CHST11: variants seen among roughly 807,000 people sequenced by gnomAD.
CHST11 encodes the protein C4S-1.
Under a neutral mutation model 30.4 loss-of-function variants are expected in CHST11, and 9 were observed. The observed-to-expected ratio is 0.30, with a 90% confidence interval of 0.18 to 0.52. The LOEUF (loss-of-function observed/expected upper bound fraction) is 0.52. Among genes scored for constraint, CHST11 ranks in the 20% least tolerant of loss-of-function variants. CHST11 has a pLI of 0.97. For missense variants in CHST11, 348 were observed against 460.6 expected (o/e 0.76, Z 2.24); for synonymous variants, 152 against 187.8 (o/e 0.81, Z 1.56).
intron 2 of CHST11, among the ~76,000 whole-genome samples, chr12:104,626,057 C>T (rs1336683766): frequency 1.3e-5 from 2 of 152,134 alleles, no homozygotes; most frequent in Non-Finnish European, 2.9e-5. Context: ...GTGGCTCTTC[C>T]ACACTCACAC....
rs12366636 is a variant in CHST11, at chr12:104,639,247, C to T, written c.204+37256C>T. ...ATAGTTTGAAGTATAATAAGACATACTTGTGTATTACAGGTTGAAGATTAA... is the reference window on the plus strand; with the variant it reads ...ATAGTTTGAAGTATAATAAGACATATTTGTGTATTACAGGTTGAAGATTAA... On this transcript the variant is annotated intron_variant, in intron 2 of 2. Coordinates refer to ENST00000303694, the MANE Select transcript of CHST11 (RefSeq NM_018413.6). Among the ~76,000 whole-genome samples the T allele has an allele frequency of 2.0e-4, 31 of 152,166 alleles. 1 individual carries two copies. Among genetic ancestry groups the T allele is most frequent in the Non-Finnish European group, 5.9e-5 (4 of 68,038 alleles).
intron 1 of CHST11, among the ~76,000 whole-genome samples, chr12:104,463,478 G>C (rs11112067): frequency 0.064 from 9,804 of 152,170 alleles, 744 homozygotes; most frequent in African/African-American, 0.19. Flanking sequence ...CCAGCCCCCT[G>C]TCTGTCTGTC....
intron 1 of CHST11, among the ~76,000 whole-genome samples, chr12:104,567,329 A>C (rs77056614): frequency 1.3e-5 from 2 of 152,354 alleles, no homozygotes; most frequent in East Asian, 3.9e-4. Context: ...GCCTGCTTCA[A>C]TCAGATCTGG....
chr12:104,487,382 C>T (rs928116590), intron 1 of CHST11, among the ~76,000 whole-genome samples: 1 of 152,218 alleles, frequency 6.6e-6, no homozygotes, highest in African/African-American at 2.4e-5. Flanking sequence ...CCACCTCAGC[C>T]TCACAACTAG....
intron 2 of CHST11, among the ~76,000 whole-genome samples, chr12:104,646,459 T>C (rs2559641): frequency 0.61 from 93,398 of 152,160 alleles, 29,196 homozygotes; most frequent in African/African-American, 0.71. Flanking sequence ...TCTGGCCGGG[T>C]GCAGTGGCTC....
At chr12:104,501,544 G>A (rs189175543) in intron 1 of CHST11, among the ~76,000 whole-genome samples, 10 of 152,258 alleles carry the variant, frequency 6.6e-5, no homozygotes, top group East Asian at 1.9e-4. Flanking sequence ...TGGGCAAATC[G>A]CTTAGCTCAC....
intron 2 of CHST11, among the ~76,000 whole-genome samples, chr12:104,661,851 G>C (rs1311686811): frequency 6.6e-6 from 1 of 152,122 alleles, no homozygotes; most frequent in Non-Finnish European, 1.5e-5. Flanking sequence ...AAGTATTCTG[G>C]AAGTTGGAGA....
intron 2 of CHST11, among the ~76,000 whole-genome samples, chr12:104,615,162 C>A (rs1018144324): frequency 6.6e-6 from 1 of 152,160 alleles, no homozygotes; most frequent in South Asian, 2.1e-4. Context: ...GGTGTGACGC[C>A]CCGGCCAACT....
chr12:104,615,515 C>T (rs949345353), intron 2 of CHST11, among the ~76,000 whole-genome samples: 3 of 152,222 alleles, frequency 2.0e-5, no homozygotes, highest in African/African-American at 7.2e-5. Context: ...TAGTCAAGAG[C>T]ACAGGCTCTA....
intron 1 of CHST11, among the ~76,000 whole-genome samples, chr12:104,524,649 C>CCCATCCAT (rs954177674): frequency 2.0e-5 from 3 of 151,796 alleles, no homozygotes; most frequent in Non-Finnish European, 2.9e-5. Flanking sequence ...CATTCATCCA[C>CCCATCCAT]CCATCCATCC....
chr12:104,622,809 C>A (rs1376918961), intron 2 of CHST11, among the ~76,000 whole-genome samples: 1 of 152,138 alleles, frequency 6.6e-6, no homozygotes, highest in African/African-American at 2.4e-5. Flanking sequence ...CGGCTGAGAC[C>A]CATGCCAAGC....
intron 1 of CHST11, among the ~76,000 whole-genome samples, chr12:104,569,328 T>G (rs935187242): frequency 5.9e-5 from 9 of 152,216 alleles, no homozygotes; most frequent in African/African-American, 2.2e-4. Flanking sequence ...TTCAGAATAT[T>G]TTATATTCTG....
intron 2 of CHST11, among the ~76,000 whole-genome samples, chr12:104,647,241 C>T (rs1465418417): frequency 6.6e-6 from 1 of 152,206 alleles, no homozygotes; most frequent in Non-Finnish European, 1.5e-5. Flanking sequence ...GTGTGGCTGT[C>T]AGAGTCCGGC....
Position 104,756,920 on chromosome 12 carries a change from T to G in CHST11, c.205-29T>G, listed in dbSNP as rs755241921. The G allele has an allele frequency of 1.8e-5, 28 of 1,592,546 alleles. 1 individual carries two copies. In the East Asian group the frequency reaches 2.9e-4, roughly 17 times the overall value. On this transcript the variant is annotated intron_variant, in intron 2 of 2. Coordinates refer to ENST00000303694, the MANE Select transcript of CHST11 (RefSeq NM_018413.6). Reference sequence around the variant, plus strand: ...GGAAATGTTTCAGGCAAGTACTGAGTTCTTATTCGTCTTGTGTCTCCTCTG... The same window carrying G: ...GGAAATGTTTCAGGCAAGTACTGAGGTCTTATTCGTCTTGTGTCTCCTCTG...
chr12:104,645,085 C>A (rs2039413794), intron 2 of CHST11, among the ~76,000 whole-genome samples: 1 of 152,106 alleles, frequency 6.6e-6, no homozygotes, highest in Admixed American at 6.6e-5. Flanking sequence ...GTAGCTGGGA[C>A]TACAGGCACC....
intron 2 of CHST11, among the ~76,000 whole-genome samples, chr12:104,656,860 C>G (rs1374739958): frequency 6.6e-6 from 1 of 152,206 alleles, no homozygotes; most frequent in Non-Finnish European, 1.5e-5. Context: ...ATGACCCCAT[C>G]TAGGTGTTAA....
intron 2 of CHST11, among the ~76,000 whole-genome samples, chr12:104,626,143 C>G (rs1014563833): frequency 1.3e-5 from 2 of 152,158 alleles, no homozygotes; most frequent in African/African-American, 4.8e-5. Context: ...GACACAGGCT[C>G]TTTATTAGCT....
At chr12:104,579,308 C>G (rs2038715895) in intron 1 of CHST11, among the ~76,000 whole-genome samples, 1 of 152,142 alleles carries the variant, frequency 6.6e-6, no homozygotes, top group African/African-American at 2.4e-5. Context: ...TCCAATTTAC[C>G]TGGGTTGAAG....
intron 1 of CHST11, among the ~76,000 whole-genome samples, chr12:104,466,016 C>T (rs1014191721): frequency 2.6e-5 from 4 of 151,934 alleles, no homozygotes; most frequent in Admixed American, 1.3e-4. Flanking sequence ...CCCGCCATCA[C>T]GCCCAGCCAA....
Sources: gnomAD v4.1 joint callset for allele counts (sites outside exome capture counted in the v4.1 genomes callset) on GRCh38, gnomAD v4.1.1 for gene constraint, MANE v1.5 for transcripts, NCBI Gene and HGNC (gene_info 2026-07-23, HGNC 2026-07-21) for gene names.